Variants in FBXW11 observed in about 807,000 individuals in gnomAD.
The protein encoded by FBXW11 is F-box and WD repeat domain containing 11, also known as F-box/WD repeat-containing protein 11.
A neutral mutation model predicts 77.6 loss-of-function variants in FBXW11; 19 were observed. The observed-to-expected ratio is 0.24, with a 90% confidence interval of 0.17 to 0.36. The LOEUF (loss-of-function observed/expected upper bound fraction) is 0.36. FBXW11 is among the 10% of genes least tolerant of loss of function. The pLI is 1.00. For synonymous variants in FBXW11, 235 were observed against 249.4 expected (o/e 0.94, Z 0.54); for missense variants, 334 against 704.2 (o/e 0.47, Z 5.95).
rs376957487 is a variant in FBXW11, at chr5:171,941,299, G to A, written c.147+16298C>T. On this transcript the variant is annotated intron_variant, in intron 2 of 13. Coordinates refer to ENST00000517395, the MANE Select transcript of FBXW11 (RefSeq NM_001378974.1). ...TAAATCTAACCATAAGGAAACAAAGGACAAACCTAAAGTGACAGACTATGA... is the reference window on the plus strand; with the variant it reads ...TAAATCTAACCATAAGGAAACAAAGAACAAACCTAAAGTGACAGACTATGA... Among the ~76,000 whole-genome samples the A allele has an allele frequency of 5.3e-5, 8 of 152,100 alleles. No homozygotes were observed. In the South Asian group the frequency reaches 6.2e-4, roughly 12 times the overall value.
At chr5:171,969,447 T>A (rs1764402722) in intron 1 of FBXW11, among the ~76,000 whole-genome samples, 2 of 152,250 alleles carry the variant, frequency 1.3e-5, no homozygotes, top group Non-Finnish European at 2.9e-5. Flanking sequence ...TTCTATTTTA[T>A]CTTTTTCATT....
intron 7 of FBXW11, among the ~76,000 whole-genome samples, chr5:171,882,307 C>A (rs919092639): frequency 1.3e-5 from 2 of 152,036 alleles, no homozygotes; most frequent in African/African-American, 2.4e-5. Context: ...ACACACACAG[C>A]GAAGGAGGAG....
chr5:171,893,595 T>C (rs17074151), intron 6 of FBXW11, among the ~76,000 whole-genome samples: 3,565 of 152,194 alleles, frequency 0.023, 129 homozygotes, highest in African/African-American at 0.081. Flanking sequence ...TATTTTTAGA[T>C]AGTGACTGTG....
intron 9 of FBXW11, among the ~76,000 whole-genome samples, chr5:171,874,001 C>T (rs1757919334): frequency 6.6e-6 from 1 of 152,124 alleles, no homozygotes; most frequent in Admixed American, 6.5e-5. Context: ...TGAAACTATA[C>T]AAGTCTTGAT....
chr5:171,865,214 C>T (rs1038119583), intron 13 of FBXW11, among the ~76,000 whole-genome samples: 10 of 151,640 alleles, frequency 6.6e-5, no homozygotes, highest in African/African-American at 2.4e-4. Context: ...GGAGCATAAA[C>T]TGACTGAACT....
chr5:171,872,819 C>G, intron 10 of FBXW11, 53 bp downstream of exon 10: 1 of 1,340,932 alleles, frequency 7.5e-7, no homozygotes, highest in Non-Finnish European at 1.1e-6. Context: ...GGAGATGAGT[C>G]AACAATGTGG....
chr5:171,884,920 T>C (rs1758777882), intron 7 of FBXW11, among the ~76,000 whole-genome samples: 1 of 152,208 alleles, frequency 6.6e-6, no homozygotes, highest in Non-Finnish European at 1.5e-5. Flanking sequence ...TTTGTGTACA[T>C]TAATCAAAAG....
intron 2 of FBXW11, among the ~76,000 whole-genome samples, chr5:171,925,042 C>T (rs1761815825): frequency 6.6e-6 from 1 of 152,156 alleles, no homozygotes; most frequent in Admixed American, 6.5e-5. Context: ...GAGCAGCCCA[C>T]CAGGCCAAGT....
rs1161644281 is a variant in FBXW11 at position 171,913,818 on chromosome 5, T to TACACACACACAC, written c.210+513_210+524dup. The stretch of plus-strand genomic sequence containing the variant: ...CCCCAAACCCCCAACCACACACACA[T>TACACACACACAC]ACACACACACACACACACACACACA... On this transcript the variant is annotated intron_variant, in intron 3 of 13. Coordinates refer to ENST00000517395, the MANE Select transcript of FBXW11 (RefSeq NM_001378974.1). Among the ~76,000 whole-genome samples the TACACACACACAC allele has an allele frequency of 3.1e-4, 20 of 65,348 alleles. 1 individual carries two copies. The highest frequency in any genetic ancestry group is 5.2e-4 in the South Asian group (1 of 1,934). 42.9% of individuals were successfully genotyped at this position (65,348 alleles called of 152,430 possible).
At chr5:172,005,416 C>G (rs1266419772) in intron 1 of FBXW11, among the ~76,000 whole-genome samples, 1 of 152,238 alleles carries the variant, frequency 6.6e-6, no homozygotes, top group Non-Finnish European at 1.5e-5. Flanking sequence ...CTCATGTTCA[C>G]GTTGGCAGGT....
chr5:171,867,229 G>A (rs1174064017), intron 13 of FBXW11, among the ~76,000 whole-genome samples: 1 of 152,206 alleles, frequency 6.6e-6, no homozygotes. Context: ...TATTTCAGAT[G>A]TTGTAGGCCA....
rs186378682 is a variant in FBXW11 at position 171,883,029 on chromosome 5, A to G, written c.853-4900T>C. Among the ~76,000 whole-genome samples the G allele has an allele frequency of 3.3e-5, 5 of 152,076 alleles. No homozygotes were observed. The East Asian group carries it at 9.7e-4, about 29-fold the overall frequency. On this transcript the variant is annotated intron_variant, in intron 7 of 13. Coordinates refer to ENST00000517395, the MANE Select transcript of FBXW11 (RefSeq NM_001378974.1). ...TTAGCTCTTACATAACAGTGAGAACATATGATGTTTGGTTTTTCATCCTGA... is the reference window on the plus strand; with the variant it reads ...TTAGCTCTTACATAACAGTGAGAACGTATGATGTTTGGTTTTTCATCCTGA...
chr5:171,958,130 C>T (rs1763713691), intron 1 of FBXW11, among the ~76,000 whole-genome samples: 1 of 152,208 alleles, frequency 6.6e-6, no homozygotes, highest in African/African-American at 2.4e-5. Context: ...ATTTGCCCAG[C>T]ACTTTACATT....
rs780958422 is a variant in FBXW11, at chr5:172,006,425, G to GGAAGCACAGACGGTCC, written c.45+17_45+32dup. 7 of 1,518,482 alleles carry GGAAGCACAGACGGTCC rather than the reference G, an allele frequency of 4.6e-6. No homozygotes were observed. In the Admixed American group the frequency reaches 1.4e-4, roughly 30 times the overall value. The allele number at this position is 1,518,482 out of a possible 1,614,324, so 94.1% of individuals were successfully genotyped here. On this transcript the variant is annotated intron_variant, in intron 1 of 13. Coordinates refer to ENST00000517395, the MANE Select transcript of FBXW11 (RefSeq NM_001378974.1). ...CAGGCCCGCCCGGGGCCGGACGGAC[G>GGAAGCACAGACGGTCC]GAAGCACAGACGGTCCAGCGGGCCG...
At chr5:171,873,768 T>C (rs959739040) in intron 9 of FBXW11, among the ~76,000 whole-genome samples, 8 of 152,358 alleles carry the variant, frequency 5.3e-5, no homozygotes, top group Non-Finnish European at 1.0e-4. Flanking sequence ...TCCCCTCTTT[T>C]GTGGTATCTG....
At chr5:171,923,902 A>G (rs1761735361) in intron 2 of FBXW11, among the ~76,000 whole-genome samples, 1 of 126,570 alleles carries the variant, frequency 7.9e-6, no homozygotes, top group African/African-American at 2.9e-5. Context: ...CCGCGGTGAA[A>G]CCCCACCTTT....
intron 2 of FBXW11, among the ~76,000 whole-genome samples, chr5:171,924,719 G>A (rs910728836): frequency 2.6e-5 from 4 of 152,076 alleles, no homozygotes; most frequent in Admixed American, 6.5e-5. Context: ...AGAGCAGGGC[G>A]ACAGGATTAA....
At chr5:171,948,411 T>C (rs1359848376) in intron 2 of FBXW11, among the ~76,000 whole-genome samples, 1 of 151,488 alleles carries the variant, frequency 6.6e-6, no homozygotes, top group Non-Finnish European at 1.5e-5. Context: ...TTCTTCATGC[T>C]TGTCCACTCT....
intron 7 of FBXW11, among the ~76,000 whole-genome samples, chr5:171,885,683 G>A (rs150189368): frequency 0.012 from 1,848 of 152,318 alleles, 21 homozygotes; most frequent in Non-Finnish European, 0.02. Flanking sequence ...AATGGGAGAT[G>A]AGAATGTTTT....
Sources: gnomAD v4.1 joint callset for allele counts (sites outside exome capture counted in the v4.1 genomes callset) on GRCh38, gnomAD v4.1.1 for gene constraint, MANE v1.5 for transcripts, NCBI Gene and HGNC (gene_info 2026-07-23, HGNC 2026-07-21) for gene names.